Variants in CHN1 observed in about 807,000 individuals in gnomAD.
CHN1 encodes the protein N-chimaerin.
In CHN1, 37 loss-of-function variants were observed where a neutral mutation model predicts 59.5. The observed-to-expected ratio is 0.62, with a 90% CI of 0.48 to 0.82. CHN1 has a LOEUF of 0.82. Among genes scored for constraint, CHN1 ranks in the 40% least tolerant of loss-of-function variants. The pLI is 0.00. For synonymous variants in CHN1, 206 were observed against 200.4 expected, an observed-to-expected ratio of 1.03 and a Z score of -0.24; for missense variants, 469 against 571.0, an observed-to-expected ratio of 0.82 and a Z score of 1.82.
chr2:174,955,204 G>GATAT (rs1299386319), intron 1 of CHN1, among the ~76,000 whole-genome samples: 1 of 33,586 alleles, frequency 3.0e-5, no homozygotes, highest in East Asian at 5.8e-4. Flanking sequence ...ATATATAATT[G>GATAT]ATATATATAT....
intron 5 of CHN1, among the ~76,000 whole-genome samples, chr2:174,897,634 G>A (rs969180566): frequency 4.6e-5 from 7 of 152,048 alleles, no homozygotes; most frequent in Non-Finnish European, 8.8e-5. Context: ...CTAGTAGCTA[G>A]TTAAGCTACC....
intron 6 of CHN1, among the ~76,000 whole-genome samples, chr2:174,867,153 C>T (rs183235076): frequency 7.7e-4 from 117 of 151,126 alleles, no homozygotes; most frequent in Admixed American, 1.6e-3. Flanking sequence ...GCAGGCGGAT[C>T]AGTTGAACTC....
At chr2:174,874,861 TTTTA>T (rs1270024513) in intron 6 of CHN1, among the ~76,000 whole-genome samples, 2 of 140,600 alleles carry the variant, frequency 1.4e-5, no homozygotes, top group Non-Finnish European at 3.0e-5. Context: ...TTTATTTATT[TTTTA>T]TTTATTCTTT....
At chr2:174,990,050 T>G (rs1307558428) in intron 1 of CHN1, among the ~76,000 whole-genome samples, 1 of 152,056 alleles carries the variant, frequency 6.6e-6, no homozygotes, top group African/African-American at 2.4e-5. Flanking sequence ...TTATTATACT[T>G]GAATAAAGGT....
intron 1 of CHN1, among the ~76,000 whole-genome samples, chr2:174,995,569 A>G (rs925041756): frequency 6.6e-6 from 1 of 152,220 alleles, no homozygotes; most frequent in African/African-American, 2.4e-5. Context: ...GATCCCTCAC[A>G]TGAGCAGTTC....
chr2:174,830,005 G>A (rs751010980), intron 7 of CHN1, among the ~76,000 whole-genome samples: 2 of 152,028 alleles, frequency 1.3e-5, no homozygotes, highest in Non-Finnish European at 1.5e-5. Flanking sequence ...GGCCGGGCGC[G>A]GTGGCTCACG....
At chr2:174,810,173 A>T (rs1685025909) in intron 10 of CHN1, among the ~76,000 whole-genome samples, 4 of 152,200 alleles carry the variant, frequency 2.6e-5, no homozygotes. Context: ...TCCTTTGAAC[A>T]TGCATGGAAT....
At chr2:174,843,987 T>C (rs1686409528) in intron 7 of CHN1, among the ~76,000 whole-genome samples, 1 of 151,920 alleles carries the variant, frequency 6.6e-6, no homozygotes, top group Non-Finnish European at 1.5e-5. Context: ...TGTGTGTGTG[T>C]GTGTGTTGTA....
At chr2:174,917,671 T>C (rs535212138) in intron 4 of CHN1, among the ~76,000 whole-genome samples, 1 of 152,262 alleles carries the variant, frequency 6.6e-6, no homozygotes, top group African/African-American at 2.4e-5. Context: ...TAAATTACAA[T>C]ACAACCTTAA....
intron 3 of CHN1, among the ~76,000 whole-genome samples, chr2:174,932,247 C>CCTGTATA (rs1431418859): frequency 1.3e-5 from 2 of 152,158 alleles, no homozygotes; most frequent in African/African-American, 4.8e-5. Context: ...ATATAACATT[C>CCTGTATA]CTGTATATGT....
intron 7 of CHN1, chr2:174,846,374 G>C: frequency 1.6e-5 from 25 of 1,548,236 alleles, no homozygotes; most frequent in Non-Finnish European, 2.1e-5. Context: ...AGCATCAACA[G>C]TCCCATGGTA....
chr2:174,847,133 T>C lies in CHN1; in HGVS notation c.550-176A>G, dbSNP rs1203794054. On this transcript the variant is annotated intron_variant, in intron 6 of 12. Transcript: ENST00000409900. ...TGACCAAGACTCTTTGGATGGCATT[T>C]TGGAATTCACAAGGAAAGAAAACCT... The C allele has an allele frequency of 3.2e-6, 5 of 1,547,352 alleles. No homozygotes were observed. The Admixed American group carries it at 8.0e-5, about 25-fold the overall frequency.
At chr2:174,938,884 T>A (rs1689577910) in intron 3 of CHN1, among the ~76,000 whole-genome samples, 2 of 151,978 alleles carry the variant, frequency 1.3e-5, no homozygotes, top group South Asian at 4.1e-4. Flanking sequence ...TAAACAAACA[T>A]AAAATATTTA....
intron 11 of CHN1, among the ~76,000 whole-genome samples, chr2:174,808,331 T>C (rs1225869858): frequency 6.6e-6 from 1 of 152,262 alleles, no homozygotes; most frequent in Non-Finnish European, 1.5e-5. Context: ...TTGCCCAGGC[T>C]GGAATGCAAT....
intron 5 of CHN1, among the ~76,000 whole-genome samples, chr2:174,914,768 G>A (rs572964415): frequency 2.0e-5 from 3 of 148,790 alleles, no homozygotes; most frequent in Non-Finnish European, 4.4e-5. Flanking sequence ...GCTTGAACCC[G>A]GAAGCAGAGG....
In CHN1 at chr2:174,895,280, T is replaced by C. The variant is rs181163096; in HGVS notation, c.261-17152A>G. 4.6e-3 allele frequency among the ~76,000 whole-genome samples: 701 copies of C among 151,772 alleles called. 7 individuals are homozygous for C. The highest frequency in any genetic ancestry group is 7.5e-3 in the Non-Finnish European group (510 of 67,922). On this transcript the variant is annotated intron_variant, in intron 5 of 12. Coordinates refer to ENST00000409900, the MANE Select transcript of CHN1 (RefSeq NM_001822.7). ...AGCTTTTAAAATGAAGGAAATCCTTTCATATGCTACAACACGGATGAACCG... is the reference window on the plus strand; with the variant it reads ...AGCTTTTAAAATGAAGGAAATCCTTCCATATGCTACAACACGGATGAACCG...
chr2:174,800,434 G>A, intron 12 of CHN1, 147 bp from the exon 13 acceptor site: 1 of 540,952 alleles, frequency 1.8e-6, no homozygotes, highest in Non-Finnish European at 3.0e-6. Flanking sequence ...TAATTTCAAA[G>A]TACTGACTTT....
chr2:174,856,397 T>G (rs963429557), intron 6 of CHN1, among the ~76,000 whole-genome samples: 2 of 152,188 alleles, frequency 1.3e-5, no homozygotes, highest in East Asian at 3.8e-4. Flanking sequence ...ATAATAAATT[T>G]AAATCACACT....
At chr2:174,975,059 G>T (rs574644264) in intron 1 of CHN1, among the ~76,000 whole-genome samples, 3 of 152,136 alleles carry the variant, frequency 2.0e-5, no homozygotes, top group African/African-American at 7.2e-5. Flanking sequence ...GAAAGCATAA[G>T]AATTTCTAAG....
Sources: gnomAD v4.1 joint callset for allele counts (sites outside exome capture counted in the v4.1 genomes callset) on GRCh38, gnomAD v4.1.1 for gene constraint, MANE v1.5 for transcripts, NCBI Gene and HGNC (gene_info 2026-07-23, HGNC 2026-07-21) for gene names.